Variants in NUP85 observed in about 807,000 individuals in gnomAD.
The protein encoded by NUP85 is nuclear pore complex protein Nup85.
NUP85 carries 23 observed loss-of-function variants against 92.8 expected under a neutral mutation model. The ratio of observed to expected loss-of-function variants is 0.25; its 90% CI spans 0.18 to 0.35. The LOEUF (loss-of-function observed/expected upper bound fraction) is 0.35, where lower values mean the gene tolerates loss of function less well. Ranked by LOEUF, NUP85 falls within the 10% of genes least tolerant of loss-of-function variation. NUP85 has a pLI of 1.00. For missense variants in NUP85, 759 were observed against 822.8 expected (o/e 0.92, Z 0.95); for synonymous variants, 314 against 306.9 (o/e 1.02, Z -0.24).
intron 11 of NUP85, among the ~76,000 whole-genome samples, chr17:75,226,506 A>G (rs371252659): frequency 6.6e-6 from 1 of 151,950 alleles, no homozygotes; most frequent in African/African-American, 2.4e-5. Flanking sequence ...AGGGCACCCA[A>G]TCACATTCAT....
At chr17:75,233,897 C>CTG (rs2076208162) in intron 16 of NUP85, among the ~76,000 whole-genome samples, 1 of 151,744 alleles carries the variant, frequency 6.6e-6, no homozygotes, top group African/African-American at 2.4e-5. Context: ...TGCGCCCCGC[C>CTG]TAATTTTTGT....
In NUP85 at chr17:75,208,541, G is replaced by T; in HGVS notation, c.48G>T (p.Val16=). ...TATTTTACTAGTTGATTCCAGGCGT[G>T]AATTCCAAGAAGAACCAAATGTATT... ...GEPTVTLIPG[V]NSKKNQMYFD... Residue 16 remains valine (V), a synonymous_variant, in exon 2 of 19, where the codon GTG becomes GTT. Transcript: ENST00000245544. 1 of 1,593,108 alleles carries T rather than the reference G, an allele frequency of 6.3e-7. No individual in the cohort carries two copies. Among genetic ancestry groups the T allele is most frequent in the Non-Finnish European group, 8.6e-7 (1 of 1,161,814 alleles).
At chr17:75,219,115 C>T (rs2075522016) in intron 7 of NUP85, among the ~76,000 whole-genome samples, 1 of 152,028 alleles carries the variant, frequency 6.6e-6, no homozygotes, top group Admixed American at 6.6e-5. Context: ...CGCTAGTTGA[C>T]TGGGCTAATG....
intron 1 of NUP85, 142 bp from the exon 2 acceptor site, chr17:75,208,385 G>A: frequency 1.5e-6 from 1 of 652,970 alleles, no homozygotes; most frequent in Non-Finnish European, 2.7e-6. Flanking sequence ...GCGGCGATTG[G>A]AGCAAGCTGA....
rs552548642 is a variant in NUP85, at chr17:75,228,338, G to T, written c.1094+2181G>T. 5.1e-6 allele frequency: 5 copies of T among 985,404 alleles called. No homozygotes were observed. In the East Asian group the frequency reaches 5.7e-4, roughly 112 times the overall value. The allele number at this position is 985,404 out of a possible 1,614,324, so 61.0% of individuals were successfully genotyped here. ...GAATGATTAGGCTTGCAGTCCCCCA[G>T]TCTCAGCCTCTCTCCACTCTCACAA... On this transcript the variant is annotated intron_variant, in intron 11 of 18. Coordinates refer to ENST00000245544, the MANE Select transcript of NUP85 (RefSeq NM_024844.5).
intron 11 of NUP85, chr17:75,228,438 T>C: frequency 1.0e-6 from 1 of 985,412 alleles, no homozygotes; most frequent in Non-Finnish European, 1.2e-6. Flanking sequence ...CTACCTCCTA[T>C]CCTGTTTTGA....
intron 6 of NUP85, among the ~76,000 whole-genome samples, 180 bp downstream of exon 6, chr17:75,216,003 G>A (rs1208184593): frequency 6.6e-6 from 1 of 152,164 alleles, no homozygotes; most frequent in Non-Finnish European, 1.5e-5. Flanking sequence ...GTCAGGTGCT[G>A]CAAAAAGAAT....
At chr17:75,224,780 C>T (rs574461968) in intron 7 of NUP85, among the ~76,000 whole-genome samples, 3 of 146,494 alleles carry the variant, frequency 2.0e-5, no homozygotes, top group Non-Finnish European at 3.0e-5. Context: ...TGCAGTGAGC[C>T]GAGATTATGC....
chr17:75,232,774 C>T (rs990022655), intron 14 of NUP85, 77 bp from the exon 15 acceptor site: 4 of 1,328,158 alleles, frequency 3.0e-6, no homozygotes, highest in Non-Finnish European at 4.3e-6. Flanking sequence ...TGTGAGGCCA[C>T]TCCGGTCCCC....
chr17:75,219,116 T>A (rs1365609761), intron 7 of NUP85, among the ~76,000 whole-genome samples: 1 of 152,112 alleles, frequency 6.6e-6, no homozygotes, highest in African/African-American at 2.4e-5. Flanking sequence ...GCTAGTTGAC[T>A]GGGCTAATGG....
At chr17:75,232,786 C>G in intron 14 of NUP85, 65 bp from the exon 15 acceptor site, 1 of 1,459,248 alleles carries the variant, frequency 6.9e-7, no homozygotes, top group Non-Finnish European at 9.6e-7. Flanking sequence ...CCGGTCCCCA[C>G]AGGGCTCAGG....
chr17:75,231,668 GCGGGTGCTCTT>G lies in NUP85; in HGVS notation c.1244+32_1244+42del, dbSNP rs767588202. 3 of 1,569,562 alleles carry G rather than the reference GCGGGTGCTCTT, an allele frequency of 1.9e-6. No individual in the cohort carries two copies. In the African/African-American group the frequency reaches 5.0e-5, roughly 26 times the overall value. ...GAAGGACCCCATGGGTGTGGGCTAT[GCGGGTGCTCTT>G]CAGCATGCGGGTGCCATTGGAGCTT... On this transcript the variant is annotated intron_variant, in intron 13 of 18. Transcript: ENST00000245544. The surrounding 1 kb of genome is among the most constrained non-coding windows in gnomAD (Gnocchi z 4.6).
intron 4 of NUP85, 101 bp downstream of exon 4, chr17:75,212,163 A>G: frequency 1.4e-6 from 1 of 691,464 alleles, no homozygotes; most frequent in Non-Finnish European, 2.3e-6. Context: ...AGTTTGATTG[A>G]TATTCCAGTC....
chr17:75,224,704 C>T (rs931179588), intron 7 of NUP85, among the ~76,000 whole-genome samples: 3 of 151,832 alleles, frequency 2.0e-5, no homozygotes, highest in Non-Finnish European at 2.9e-5. Flanking sequence ...TGATGGCATG[C>T]GCCTGTAATC....
chr17:75,209,445 C>CTT (rs71159453), intron 2 of NUP85, among the ~76,000 whole-genome samples: 7 of 106,432 alleles, frequency 6.6e-5, no homozygotes, highest in African/African-American at 1.9e-4. Flanking sequence ...GATTTGCTTT[C>CTT]TTTTTTTTTT....
rs148854474 is a variant in NUP85 at position 75,228,295 on chromosome 17, G to C, written c.1094+2138G>C. ...AAGAGGGGTGAACAACATCACTCTC[G>C]TGCCGGACACAGACAAGGAATGATT... On this transcript the variant is annotated intron_variant, in intron 11 of 18. Coordinates refer to ENST00000245544, the MANE Select transcript of NUP85 (RefSeq NM_024844.5). 3.5e-5 allele frequency: 34 copies of C among 985,342 alleles called. No individual in the cohort carries two copies. The African/African-American group carries it at 4.2e-4, about 12-fold the overall frequency. 61.0% of individuals were successfully genotyped at this position (985,342 alleles called of 1,614,324 possible). A position where few individuals can be genotyped will look rare whatever the true frequency, so the allele number is the denominator to read the frequency against.
At chr17:75,206,674 A>G (rs1301669475) in intron 1 of NUP85, among the ~76,000 whole-genome samples, 2 of 152,098 alleles carry the variant, frequency 1.3e-5, no homozygotes, top group African/African-American at 4.8e-5. Flanking sequence ...CATTCATCTC[A>G]GGGTAGGTAG....
At chr17:75,212,770 A>G (rs775294160) in intron 4 of NUP85, among the ~76,000 whole-genome samples, 1 of 151,928 alleles carries the variant, frequency 6.6e-6, no homozygotes, top group Non-Finnish European at 1.5e-5. Context: ...GTCCTTTGAC[A>G]TCAGCCTCCC....
At chr17:75,207,165 C>T (rs1244169487) in intron 1 of NUP85, among the ~76,000 whole-genome samples, 1 of 151,596 alleles carries the variant, frequency 6.6e-6, no homozygotes. Flanking sequence ...GGGAAGCTCT[C>T]TGGGGAGATA....
Sources: allele counts gnomAD v4.1 joint callset (sites outside exome capture counted in the v4.1 genomes callset), GRCh38; gene constraint gnomAD v4.1.1; non-coding constraint Gnocchi (gnomAD v3.1); transcripts MANE v1.5; gene names NCBI Gene and HGNC (gene_info 2026-07-23, HGNC 2026-07-21).